Variants in CTIF observed in about 807,000 individuals in gnomAD.
The protein encoded by CTIF is CBP80/20-dependent translation initiation factor.
CTIF carries 21 observed loss-of-function variants against 66.0 expected under a neutral mutation model. That is an observed-to-expected ratio of 0.32 (90% CI 0.23 to 0.46). The LOEUF is 0.46. Ranked by LOEUF, CTIF falls within the 20% of genes least tolerant of loss-of-function variation. The pLI is 1.00. For missense variants in CTIF, 739 were observed against 812.7 expected, an observed-to-expected ratio of 0.91 and a Z score of 1.10; for synonymous variants, 345 against 326.4, an observed-to-expected ratio of 1.06 and a Z score of -0.62.
At chr18:48,583,769 A>G (rs144543482) in intron 1 of CTIF, among the ~76,000 whole-genome samples, 5 of 152,324 alleles carry the variant, frequency 3.3e-5, no homozygotes, top group African/African-American at 9.6e-5. Flanking sequence ...GGCAGCCTGA[A>G]CTGAGCATGG....
chr18:48,742,524 C>T (rs1328378588), intron 7 of CTIF, among the ~76,000 whole-genome samples: 2 of 152,234 alleles, frequency 1.3e-5, no homozygotes, highest in Non-Finnish European at 2.9e-5. Flanking sequence ...ACGCAGACAG[C>T]GAGAGCACCA....
At chr18:48,651,356 TA>T (rs1837747567) in intron 3 of CTIF, among the ~76,000 whole-genome samples, 1 of 152,060 alleles carries the variant, frequency 6.6e-6, no homozygotes, top group African/African-American at 2.4e-5. Flanking sequence ...TAGTCTCTGA[TA>T]AAACAGACTT....
chr18:48,852,253 A>G (rs1030845541), intron 10 of CTIF, among the ~76,000 whole-genome samples: 15 of 143,760 alleles, frequency 1.0e-4, no homozygotes, highest in African/African-American at 3.9e-4. Flanking sequence ...AAAAAAAAAA[A>G]AAAAAAAAAG....
At chr18:48,857,967 T>C (rs2069368799) in intron 11 of CTIF, among the ~76,000 whole-genome samples, 1 of 152,242 alleles carries the variant, frequency 6.6e-6, no homozygotes, top group Admixed American at 6.5e-5. Flanking sequence ...CCTGATTACC[T>C]CTGCCCTCAA....
At chr18:48,730,298 T>C (rs1228934255) in intron 7 of CTIF, among the ~76,000 whole-genome samples, 15 of 126,704 alleles carry the variant, frequency 1.2e-4, no homozygotes, top group East Asian at 6.1e-4. Flanking sequence ...GAGGGGCCCC[T>C]GAGGTGTGAG....
At chr18:48,852,684 C>T (rs2069234836) in intron 10 of CTIF, among the ~76,000 whole-genome samples, 1 of 152,196 alleles carries the variant, frequency 6.6e-6, no homozygotes, top group Non-Finnish European at 1.5e-5. Context: ...TAACCAGTCC[C>T]CTTGTTGGGA....
intron 6 of CTIF, chr18:48,673,443 G>A (rs1568123792): frequency 1.3e-5 from 2 of 151,984 alleles, no homozygotes; most frequent in Non-Finnish European, 2.9e-5. Context: ...TGTTGTTGTT[G>A]TTAAAGAAAA....
At chr18:48,633,779 C>T (rs557382359) in intron 2 of CTIF, among the ~76,000 whole-genome samples, 11 of 152,018 alleles carry the variant, frequency 7.2e-5, no homozygotes, top group Non-Finnish European at 1.5e-4. Context: ...ATGTATTTTA[C>T]GTATGTATGA....
chr18:48,596,131 T>G (rs1008831402), intron 1 of CTIF, among the ~76,000 whole-genome samples: 5 of 152,172 alleles, frequency 3.3e-5, no homozygotes, highest in African/African-American at 1.2e-4. Context: ...GAGGCAAGGA[T>G]TATTCAACAC....
At chr18:48,661,135 A>G (rs745797875) in intron 3 of CTIF, among the ~76,000 whole-genome samples, 11 of 152,232 alleles carry the variant, frequency 7.2e-5, no homozygotes, top group Non-Finnish European at 1.3e-4. Flanking sequence ...AAAGAGAAAG[A>G]GGCAGTCCAG....
At chr18:48,633,704 TAAATAA>T (rs2090762686) in intron 2 of CTIF, among the ~76,000 whole-genome samples, 2 of 98,624 alleles carry the variant, frequency 2.0e-5, no homozygotes, top group Non-Finnish European at 4.1e-5. Context: ...TCCATCTCAA[TAAATAA>T]ATAAATAAAT....
intron 3 of CTIF, among the ~76,000 whole-genome samples, chr18:48,656,051 G>A (rs561133019): frequency 1.3e-5 from 2 of 152,180 alleles, no homozygotes; most frequent in Non-Finnish European, 2.9e-5. Context: ...CATGTGTGGA[G>A]ACCGCAGCCT....
chr18:48,840,145 A>G (rs1461773963), intron 10 of CTIF, among the ~76,000 whole-genome samples: 3 of 152,198 alleles, frequency 2.0e-5, no homozygotes, highest in Non-Finnish European at 4.4e-5. Flanking sequence ...GATCTGGTCA[A>G]TGGAGCCAAG....
At chr18:48,798,470 G>T (rs2067978479) in intron 9 of CTIF, among the ~76,000 whole-genome samples, 1 of 152,210 alleles carries the variant, frequency 6.6e-6, no homozygotes, top group Non-Finnish European at 1.5e-5. Flanking sequence ...CTTGCAGTCT[G>T]TGGGTTCAGT....
chr18:48,833,067 G>A (rs893189437), intron 10 of CTIF, among the ~76,000 whole-genome samples: 2 of 152,302 alleles, frequency 1.3e-5, no homozygotes, highest in Admixed American at 1.3e-4. Flanking sequence ...ATGTGGTTTG[G>A]GCAAGGGGAG....
intron 7 of CTIF, among the ~76,000 whole-genome samples, chr18:48,754,800 G>A (rs569922342): frequency 7.9e-5 from 12 of 152,184 alleles, no homozygotes; most frequent in Non-Finnish European, 1.8e-4. Context: ...ATATTGTCAG[G>A]GCTGGCTGGC....
intron 10 of CTIF, among the ~76,000 whole-genome samples, chr18:48,854,253 T>C (rs971898099): frequency 7.9e-5 from 12 of 151,984 alleles, no homozygotes; most frequent in Admixed American, 7.2e-4. Context: ...GGGCAGGGAC[T>C]GGGGTGGTCA....
At chr18:48,745,653 A>G (rs1285123061) in intron 7 of CTIF, among the ~76,000 whole-genome samples, 1 of 152,236 alleles carries the variant, frequency 6.6e-6, no homozygotes, top group East Asian at 1.9e-4. Flanking sequence ...TTTGGGAACT[A>G]GGAGAGCAGG....
chr18:48,734,480 C>T (rs1028049878), intron 7 of CTIF, among the ~76,000 whole-genome samples: 3 of 152,166 alleles, frequency 2.0e-5, no homozygotes, highest in South Asian at 4.1e-4. Flanking sequence ...GCAGGAGAAT[C>T]GCTAGAACGC....
Sources: allele counts gnomAD v4.1 joint callset (sites outside exome capture counted in the v4.1 genomes callset), GRCh38; gene constraint gnomAD v4.1.1; transcripts MANE v1.5; gene names NCBI Gene and HGNC (gene_info 2026-07-23, HGNC 2026-07-21).